PALLD: variants seen among roughly 807,000 people sequenced by gnomAD.
The protein encoded by PALLD is palladin.
Under a neutral mutation model 123.5 loss-of-function variants are expected in PALLD, and 61 were observed. That is an observed-to-expected ratio of 0.49 (90% CI 0.40 to 0.61). The LOEUF (loss-of-function observed/expected upper bound fraction) is 0.61. Ranked by LOEUF, PALLD falls within the 20% of genes least tolerant of loss-of-function variation. The probability of loss-of-function intolerance (pLI) is 0.00; values close to 1 mark genes in which losing one functional copy is unlikely to be tolerated. For missense variants in PALLD, 1,273 were observed against 1,377.0 expected (o/e 0.92, Z 1.20); for synonymous variants, 465 against 496.4 (o/e 0.94, Z 0.84).
intron 2 of PALLD, among the ~76,000 whole-genome samples, chr4:168,570,661 T>G (rs1353728739): frequency 6.6e-6 from 1 of 152,172 alleles, no homozygotes; most frequent in Non-Finnish European, 1.5e-5. Context: ...AGATCCTTTT[T>G]TCCACACAAA....
chr4:168,752,082 A>C (rs771019845), intron 10 of PALLD, among the ~76,000 whole-genome samples: 5 of 152,218 alleles, frequency 3.3e-5, no homozygotes, highest in Non-Finnish European at 5.9e-5. Context: ...CAAACTTAAA[A>C]GTCAATTTCT....
At chr4:168,730,614 A>T (rs141660755) in intron 10 of PALLD, among the ~76,000 whole-genome samples, 1 of 152,090 alleles carries the variant, frequency 6.6e-6, no homozygotes, top group South Asian at 2.1e-4. Flanking sequence ...GAATGTGTCA[A>T]TGGGCAGGCT....
intron 2 of PALLD, among the ~76,000 whole-genome samples, chr4:168,638,704 A>G (rs1349664292): frequency 2.0e-5 from 3 of 152,076 alleles, no homozygotes; most frequent in African/African-American, 7.2e-5. Context: ...GTATTGGAAG[A>G]ACTAACTAGC....
chr4:168,880,059 T>C (rs1030309069), intron 10 of PALLD, among the ~76,000 whole-genome samples: 6 of 152,224 alleles, frequency 3.9e-5, no homozygotes, highest in Admixed American at 2.0e-4. Flanking sequence ...ATTTCTCTTA[T>C]AGAATTTGAT....
chr4:168,912,273 G>C (rs1291666549), intron 15 of PALLD, among the ~76,000 whole-genome samples: 1 of 152,138 alleles, frequency 6.6e-6, no homozygotes, highest in Non-Finnish European at 1.5e-5. Context: ...AAGTGCATGA[G>C]GGCTTCTCAT....
intron 10 of PALLD, among the ~76,000 whole-genome samples, chr4:168,852,504 A>G (rs1199193933): frequency 1.3e-5 from 2 of 152,208 alleles, no homozygotes; most frequent in Non-Finnish European, 2.9e-5. Flanking sequence ...AGCCGGGTGC[A>G]GTAACTCACA....
intron 10 of PALLD, among the ~76,000 whole-genome samples, chr4:168,883,078 A>AAG (rs368922947): frequency 7.7e-6 from 1 of 129,818 alleles, no homozygotes; most frequent in Non-Finnish European, 1.7e-5. Context: ...GACAGAGCAA[A>AAG]ACTCTGTCTC....
At chr4:168,538,440 A>T (rs1765292611) in intron 2 of PALLD, among the ~76,000 whole-genome samples, 1 of 136,230 alleles carries the variant, frequency 7.3e-6, no homozygotes, top group Non-Finnish European at 1.5e-5. Flanking sequence ...ATTTGTTTTA[A>T]ATTTAAATAA....
chr4:168,535,569 T>C (rs1470241282), intron 2 of PALLD, among the ~76,000 whole-genome samples: 1 of 152,160 alleles, frequency 6.6e-6, no homozygotes. Flanking sequence ...GGTGTATGCG[T>C]ATACCACTTT....
At chr4:168,751,480 T>G (rs1731057073) in intron 10 of PALLD, among the ~76,000 whole-genome samples, 1 of 152,236 alleles carries the variant, frequency 6.6e-6, no homozygotes, top group Admixed American at 6.5e-5. Flanking sequence ...TGCAATCAGA[T>G]AGCCCTGAGA....
intron 10 of PALLD, among the ~76,000 whole-genome samples, chr4:168,766,630 T>C (rs1343243060): frequency 1.3e-5 from 2 of 152,306 alleles, no homozygotes; most frequent in South Asian, 2.1e-4. Context: ...GACAGCATAA[T>C]GCGGGGGAAA....
chr4:168,708,877 G>A (rs1021032968), intron 8 of PALLD, 151 bp from the exon 9 acceptor site: 28 of 748,544 alleles, frequency 3.7e-5, no homozygotes, highest in Non-Finnish European at 5.6e-5. Context: ...TAAATTAAAT[G>A]TAAAGAGATT....
intron 10 of PALLD, among the ~76,000 whole-genome samples, chr4:168,856,921 G>A (rs1748690599): frequency 6.6e-6 from 1 of 152,194 alleles, no homozygotes; most frequent in African/African-American, 2.4e-5. Flanking sequence ...GCCAGTGCAG[G>A]GGCCCTTTAT....
At chr4:168,549,214 G>C (rs2149532695) in intron 2 of PALLD, among the ~76,000 whole-genome samples, 1 of 150,158 alleles carries the variant, frequency 6.7e-6, no homozygotes, top group South Asian at 2.1e-4. Flanking sequence ...TTTTTACAAA[G>C]ATATCATTGA....
chr4:168,830,701 T>C (rs1744084748), intron 10 of PALLD, among the ~76,000 whole-genome samples: 1 of 152,188 alleles, frequency 6.6e-6, no homozygotes, highest in South Asian at 2.1e-4. Flanking sequence ...TAAAGAACAA[T>C]ATTTGGTTTT....
intron 10 of PALLD, among the ~76,000 whole-genome samples, chr4:168,858,923 A>T (rs771054820): frequency 7.2e-5 from 11 of 152,132 alleles, no homozygotes; most frequent in Non-Finnish European, 1.5e-4. Flanking sequence ...ATTCACTCCC[A>T]TCCCCCTCAC....
At chr4:168,634,601 G>A (rs1776154804) in intron 2 of PALLD, among the ~76,000 whole-genome samples, 1 of 152,178 alleles carries the variant, frequency 6.6e-6, no homozygotes, top group African/African-American at 2.4e-5. Context: ...CGAGGGGAGT[G>A]GAGGCTCCCT....
intron 2 of PALLD, among the ~76,000 whole-genome samples, chr4:168,621,440 C>T (rs1580620962): frequency 2.0e-5 from 3 of 152,170 alleles, no homozygotes; most frequent in East Asian, 1.9e-4. Context: ...GGGGCCGCTA[C>T]GTGACACAAA....
intron 2 of PALLD, among the ~76,000 whole-genome samples, chr4:168,659,896 G>C (rs1234719014): frequency 1.3e-5 from 2 of 152,176 alleles, no homozygotes; most frequent in African/African-American, 4.8e-5. Flanking sequence ...TATTAAAATA[G>C]ATACTGCTAG....
Sources: gnomAD v4.1 joint callset for allele counts (sites outside exome capture counted in the v4.1 genomes callset) on GRCh38, gnomAD v4.1.1 for gene constraint, MANE v1.5 for transcripts, NCBI Gene and HGNC (gene_info 2026-07-23, HGNC 2026-07-21) for gene names.